LRP5: variants seen among roughly 807,000 people sequenced by gnomAD.
LRP5 encodes LDL receptor related protein 5.
Under a neutral mutation model 154.1 loss-of-function variants are expected in LRP5, and 62 were observed. The ratio of observed to expected loss-of-function variants is 0.40; its 90% CI spans 0.33 to 0.50. The LOEUF (loss-of-function observed/expected upper bound fraction) is 0.50, where lower values mean the gene tolerates loss of function less well. Among genes scored for constraint, LRP5 ranks in the 20% least tolerant of loss-of-function variants. LRP5 has a pLI of 0.55. For missense variants in LRP5, 1,915 were observed against 2,336.7 expected (o/e 0.82, Z 3.72); for synonymous variants, 966 against 1,011.5 (o/e 0.96, Z 0.85).
chr11:68,363,045 A>G (rs2098628930), intron 3 of LRP5, among the ~76,000 whole-genome samples: 1 of 152,274 alleles, frequency 6.6e-6, no homozygotes, highest in Non-Finnish European at 1.5e-5. Context: ...GTAAGCATCT[A>G]GAAAAGAATA....
At chr11:68,390,652 C>T (rs1234426120) in intron 7 of LRP5, among the ~76,000 whole-genome samples, 20 of 142,416 alleles carry the variant, frequency 1.4e-4, no homozygotes, top group African/African-American at 3.2e-4. Flanking sequence ...CTCGCCCTGC[C>T]GCTGTGGTCG....
the LRP5 span, among the ~76,000 whole-genome samples, chr11:68,307,413 C>G: frequency 6.6e-6 from 1 of 152,114 alleles, no homozygotes; most frequent in South Asian, 2.1e-4. Context: ...ACCTATAATC[C>G]TAGCACTTTG....
rs920595327 is a variant in LRP5 at position 68,353,545 on chromosome 11, C to T, written c.489-4105C>T. ...AGTGGTCCTCAGGCATAAGTGTGGG[C>T]GCTGAGTCCTGGGGCAGGACTGCTG... On this transcript the variant is annotated intron_variant, in intron 2 of 22. Transcript: ENST00000294304. The surrounding 1 kb of genome is among the most constrained non-coding windows in gnomAD (Gnocchi z 4.5). Among the ~76,000 whole-genome samples, 16 of 152,186 alleles carry T rather than the reference C, an allele frequency of 1.1e-4. No individual in the cohort carries two copies. Among genetic ancestry groups the T allele is most frequent in the Non-Finnish European group, 1.6e-4 (11 of 68,030 alleles).
intron 1 of LRP5, among the ~76,000 whole-genome samples, chr11:68,323,530 C>T (rs775849035): frequency 2.6e-5 from 4 of 152,184 alleles, no homozygotes; most frequent in Admixed American, 1.3e-4. Flanking sequence ...TCTCCCGCCT[C>T]AGCCTCCTGA....
intron 22 of LRP5, 131 bp downstream of exon 22, chr11:68,446,664 G>A: frequency 1.3e-6 from 1 of 797,354 alleles, no homozygotes; most frequent in Middle Eastern, 2.3e-4. Context: ...GCCCAGCCCT[G>A]CCTCCCTCTG....
chr11:68,321,768 T>A lies in LRP5; in HGVS notation c.91+8963T>A, dbSNP rs116557582. 7.5e-3 allele frequency among the ~76,000 whole-genome samples: 1,139 copies of A among 152,350 alleles called. 16 individuals carry two copies. The highest frequency in any genetic ancestry group is 0.026 in the African/African-American group (1,078 of 41,584). The stretch of plus-strand genomic sequence containing the variant: ...CCCTAGTTAATCCCAGAGCAAAATG[T>A]GGGCACCTTTCATTTCTTCCTTGGG... On this transcript the variant is annotated intron_variant, in intron 1 of 22. Transcript: ENST00000294304.
At chr11:68,424,455 G>A (rs781503404) in intron 14 of LRP5, among the ~76,000 whole-genome samples, 69 of 152,320 alleles carry the variant, frequency 4.5e-4, no homozygotes, top group Non-Finnish European at 6.8e-4. Flanking sequence ...GCAGCACACG[G>A]GGGGCTCGGT....
At chr11:68,357,969 A>G in intron 3 of LRP5, 122 bp downstream of exon 3, 1 of 918,396 alleles carries the variant, frequency 1.1e-6, no homozygotes, top group Non-Finnish European at 1.7e-6. Flanking sequence ...TGAGGAATGC[A>G]GGACTTCTCA....
At position 68,425,227 on chromosome 11, in the gene LRP5, A is replaced by G. The variant is rs1246544109; in HGVS notation, c.3362A>G (p.Asn1121Ser). 1 of 1,612,476 alleles carries G rather than the reference A, an allele frequency of 6.2e-7. No homozygotes were observed. The highest frequency in any genetic ancestry group is 8.5e-7 in the Non-Finnish European group (1 of 1,179,970). ...LIRPVALVVD[N>S]TLGKLFWVDA... Reference sequence around the variant, plus strand: ...CGCCCTGTGGCCCTGGTGGTGGACAACACACTGGGCAAGCTGTTCTGGGTG... The same window carrying G: ...CGCCCTGTGGCCCTGGTGGTGGACAGCACACTGGGCAAGCTGTTCTGGGTG... Residue 1121 changes from asparagine to serine, a missense_variant, in exon 15 of 23, where the codon AAC (asparagine) becomes AGC (serine). Physicochemically the swap from Asn to Ser is conservative, Grantham distance 46 (BLOSUM62 1). This residue lies in a region of LRP5 where 1,094 missense variants were observed against 1,210.1 expected (regional missense o/e 0.90). Coordinates refer to ENST00000294304, the MANE Select transcript of LRP5 (RefSeq NM_002335.4).
At chr11:68,329,925 T>A (rs969948740) in intron 1 of LRP5, among the ~76,000 whole-genome samples, 1 of 152,218 alleles carries the variant, frequency 6.6e-6, no homozygotes, top group African/African-American at 2.4e-5. Flanking sequence ...ATAAGAATGT[T>A]AGTAATGGGC....
chr11:68,423,705 G>T lies in LRP5; in HGVS notation c.3236+8G>T. 2 of 1,604,068 alleles carry T rather than the reference G, an allele frequency of 1.2e-6. No individual in the cohort carries two copies. Among genetic ancestry groups the T allele is most frequent in the African/African-American group, 1.3e-5 (1 of 74,608 alleles). On this transcript the variant is annotated splice_region_variant and intron_variant, in intron 14 of 22. Coordinates refer to ENST00000294304, the MANE Select transcript of LRP5 (RefSeq NM_002335.4). The surrounding 1 kb of genome is among the most constrained non-coding windows in gnomAD (Gnocchi z 4.7). ...CGTCAACGCGGAGCGAGGGTAGGAGGCCAACGGGTGGGTGGGGGTGCTGCC... is the reference window on the plus strand; with the variant it reads ...CGTCAACGCGGAGCGAGGGTAGGAGTCCAACGGGTGGGTGGGGGTGCTGCC...
chr11:68,408,864 A>G (rs1297059009), intron 9 of LRP5, among the ~76,000 whole-genome samples: 1 of 151,542 alleles, frequency 6.6e-6, no homozygotes, highest in Non-Finnish European at 1.5e-5. Flanking sequence ...CCTGGGCAAC[A>G]TAGTGAGACC....
rs1445169439 is a variant in LRP5, at chr11:68,406,698, C to G, written c.1976C>G (p.Ser659Cys). The G allele has an allele frequency of 3.7e-6, 6 of 1,614,074 alleles. No individual in the cohort carries two copies. Residue 659 changes from serine to cysteine, a missense_variant, in exon 9 of 23, where the codon TCC (serine) becomes TGC (cysteine). Ser to Cys is a moderately radical substitution (Grantham distance 112, BLOSUM62 -1). Transcript: ENST00000294304. The stretch of plus-strand genomic sequence containing the variant: ...AGCAGAGCCGCCATCCACAGGATCT[C>G]CCTCGAGACCAATAACAACGACGTG... The part of the protein sequence containing the change: ...FTSRAAIHRI[S>C]LETNNNDVAI...
chr11:68,433,942 C>G (rs1203312157), intron 18 of LRP5, 104 bp downstream of exon 18: 8 of 1,149,958 alleles, frequency 7.0e-6, no homozygotes, highest in Non-Finnish European at 1.0e-5. Flanking sequence ...CTCTGAAAAC[C>G]TTTGCTTGCA....
At chr11:68,355,174 G>A (rs558768166) in intron 2 of LRP5, among the ~76,000 whole-genome samples, 6 of 152,168 alleles carry the variant, frequency 3.9e-5, no homozygotes, top group East Asian at 1.9e-4. Context: ...GGGAGGAGGC[G>A]GCTGTGTGTC....
At chr11:68,409,326 A>G (rs2098658082) in intron 9 of LRP5, among the ~76,000 whole-genome samples, 1 of 144,878 alleles carries the variant, frequency 6.9e-6, no homozygotes, top group Admixed American at 7.1e-5. Context: ...TATTTAAAAT[A>G]TATGTAATGT....
intron 9 of LRP5, among the ~76,000 whole-genome samples, chr11:68,409,408 A>AT (rs2098658162): frequency 6.7e-6 from 1 of 149,458 alleles, no homozygotes; most frequent in East Asian, 1.9e-4. Flanking sequence ...TAAAATATAT[A>AT]TAAAATCTCC....
intron 5 of LRP5, among the ~76,000 whole-genome samples, chr11:68,384,560 C>A (rs553601072): frequency 1.3e-5 from 2 of 152,280 alleles, no homozygotes; most frequent in East Asian, 1.9e-4. Flanking sequence ...ATCCCAGCAA[C>A]CTCAGGAAGG....
rs530116598 is a variant in LRP5, at chr11:68,413,636, T to C, written c.2504-53T>C. 3.2e-6 allele frequency: 5 copies of C among 1,542,178 alleles called. No individual in the cohort carries two copies. Among genetic ancestry groups the C allele is most frequent in the African/African-American group, 1.4e-5 (1 of 73,626 alleles). ...GCTCACCCCGCAGGGCGCCGTGTGC[T>C]CTGTGGCCTGGCTGTGCCTTTGCTG... On this transcript the variant is annotated intron_variant, in intron 11 of 22. Transcript: ENST00000294304. The surrounding 1 kb of genome is among the most constrained non-coding windows in gnomAD (Gnocchi z 5.1).
Sources: allele counts gnomAD v4.1 joint callset (sites outside exome capture counted in the v4.1 genomes callset), GRCh38; gene constraint gnomAD v4.1.1; regional missense constraint gnomAD v4.1.1; non-coding constraint Gnocchi (gnomAD v3.1); transcripts MANE v1.5; gene names NCBI Gene and HGNC (gene_info 2026-07-23, HGNC 2026-07-21).